Variants in EFEMP2 observed in about 807,000 individuals in gnomAD.
EFEMP2 encodes the protein EGF-like fibulin extracellular matrix protein 2.
A neutral mutation model predicts 55.3 loss-of-function variants in EFEMP2; 21 were observed. The observed-to-expected ratio is 0.38, with a 90% CI of 0.27 to 0.55. The LOEUF is 0.55. Among genes scored for constraint, EFEMP2 ranks in the 20% least tolerant of loss-of-function variants. The probability of loss-of-function intolerance (pLI) is 0.77; values close to 1 mark genes in which losing one functional copy is unlikely to be tolerated. For missense variants in EFEMP2, 513 were observed against 615.1 expected (o/e 0.83, Z 1.76); for synonymous variants, 275 against 242.3 (o/e 1.14, Z -1.25).
Position 65,868,647 on chromosome 11 carries a change from T to C in EFEMP2, c.728-18A>G. 1 of 1,613,560 alleles carries C rather than the reference T, an allele frequency of 6.2e-7. No individual in the cohort carries two copies. The highest frequency in any genetic ancestry group is 8.5e-7 in the Non-Finnish European group (1 of 1,179,996). ...ATCAATATCTGAGGAAGCATGGGGA[T>C]GGGGACCCCGGGTCAAGGGCATTCC... On this transcript the variant is annotated intron_variant, in intron 7 of 10. Transcript: ENST00000307998.
intron 3 of EFEMP2, chr11:65,871,641 G>A (rs1859966777): frequency 5.0e-6 from 3 of 596,810 alleles, no homozygotes; most frequent in Non-Finnish European, 6.0e-6. Flanking sequence ...AAGATGGGGG[G>A]CCTCCTTACC....
intron 6 of EFEMP2, 46 bp downstream of exon 6, chr11:65,870,075 C>G: frequency 6.2e-7 from 1 of 1,613,166 alleles, no homozygotes; most frequent in Non-Finnish European, 8.5e-7. Flanking sequence ...CCCCACCTCA[C>G]ACCTCCCTGC....
intron 4 of EFEMP2, 148 bp from the exon 5 acceptor site, chr11:65,870,806 A>G: frequency 8.9e-7 from 1 of 1,128,802 alleles, no homozygotes; most frequent in Non-Finnish European, 1.3e-6. Context: ...CCTAACCTCT[A>G]AAACCACATG....
chr11:65,872,423 GGA>G (rs1303290714), intron 1 of EFEMP2, 62 bp from the exon 2 acceptor site: 1 of 1,234,780 alleles, frequency 8.1e-7, no homozygotes, highest in Non-Finnish European at 1.2e-6. Context: ...CCCTGTACCG[GGA>G]GCCCGAGCCC....
In EFEMP2 at chr11:65,869,986, C is replaced by T; in HGVS notation, c.608-10G>A. On this transcript the variant is annotated splice_polypyrimidine_tract_variant and intron_variant, in intron 6 of 10. Transcript: ENST00000307998. ...TCACACTCGTTCACATCTGGGGGTG[C>T]CAGGAAAAACAGGAGGGATGAAAGC... is the stretch of plus-strand genomic sequence containing the variant. 1 of 1,613,592 alleles carries T rather than the reference C, an allele frequency of 6.2e-7. No homozygotes were observed. The highest frequency in any genetic ancestry group is 8.5e-7 in the Non-Finnish European group (1 of 1,179,848).
chr11:65,868,019 C>G lies in EFEMP2; in HGVS notation c.1012G>C (p.Glu338Gln). 6.2e-7 allele frequency: 1 copy of G among 1,613,968 alleles called. No homozygotes were observed. Among genetic ancestry groups the G allele is most frequent in the African/African-American group, 1.3e-5 (1 of 75,038 alleles). The change falls in exon 10 of 11, where the codon GAG (glutamate) becomes CAG (glutamine). Residue 338 changes from glutamate to glutamine, a missense_variant. Physicochemically the swap from Glu to Gln is conservative, Grantham distance 29. Coordinates refer to ENST00000307998, the MANE Select transcript of EFEMP2 (RefSeq NM_016938.5). ...LCPASNPLCR[E>Q]QPSSIVHRYM... ...CGGTGCACAATGGATGAAGGCTGCT[C>G]TCGACATAGAGGGTTGGAGGCCGGG... is the stretch of plus-strand genomic sequence containing the variant.
chr11:65,868,844 G>A (rs1859913440), intron 7 of EFEMP2: 2 of 598,176 alleles, frequency 3.3e-6, no homozygotes, highest in Admixed American at 5.7e-5. Flanking sequence ...CCCAGAACTG[G>A]AAGAAACACT....
rs762880509 is a variant in EFEMP2, at chr11:65,868,383, C to T, written c.886G>A (p.Glu296Lys). 40 of 1,613,782 alleles carry T rather than the reference C, an allele frequency of 2.5e-5. No individual in the cohort carries two copies. The South Asian group carries it at 2.5e-4, about 10-fold the overall frequency. The change falls in exon 9 of 11, where the codon GAG becomes AAG. Residue 296 changes from glutamate (E) to lysine (K), a missense_variant. By Grantham distance (56) the Glu-to-Lys change is moderately conservative. Coordinates refer to ENST00000307998, the MANE Select transcript of EFEMP2 (RefSeq NM_016938.5). Reference sequence around the variant, plus strand: ...TGGAAGTTGACACAGGTTTGGGCCTCGGAGCACTGGTGCGCACCAGACTCA... The same window carrying T: ...TGGAAGTTGACACAGGTTTGGGCCTTGGAGCACTGGTGCGCACCAGACTCA... ...ECESGAHQCS[E>K]AQTCVNFHGG...
intron 9 of EFEMP2, 110 bp from the exon 10 acceptor site, chr11:65,868,166 G>C: frequency 6.4e-7 from 1 of 1,559,738 alleles, no homozygotes; most frequent in East Asian, 2.3e-5. Flanking sequence ...CCCTGTGACT[G>C]GTTTTCATGA....
At chr11:65,870,966 G>A (rs1859954988) in intron 4 of EFEMP2, 191 bp downstream of exon 4, 2 of 767,280 alleles carry the variant, frequency 2.6e-6, no homozygotes, top group African/African-American at 3.4e-5. Context: ...CGAGGGGAGG[G>A]GCCCGGAGCT....
At position 65,871,202 on chromosome 11, in the gene EFEMP2, G is replaced by A; in HGVS notation, c.322C>T (p.Pro108Ser). 1 of 1,614,230 alleles carries A rather than the reference G, an allele frequency of 6.2e-7. No homozygotes were observed. The highest frequency in any genetic ancestry group is 8.5e-7 in the Non-Finnish European group (1 of 1,180,040). ...TCGGGCTCATAGCCTGGTGGGCAGGGGTTGGGGTGTTGAGCGGGAGGCACT... is the reference window on the plus strand; with the variant it reads ...TCGGGCTCATAGCCTGGTGGGCAGGAGTTGGGGTGTTGAGCGGGAGGCACT... Reference protein sequence around the residue: ...PPVPPAQHPNPCPPGYEPDDQ... With the variant: ...PPVPPAQHPNSCPPGYEPDDQ... The change falls in exon 4 of 11, where the codon CCC becomes TCC. Residue 108 changes from proline (P) to serine (S), a missense_variant. Transcript: ENST00000307998.
rs937096955 is a variant in EFEMP2, at chr11:65,870,297, G to A, written c.491-60C>T. On this transcript the variant is annotated intron_variant, in intron 5 of 10. Transcript: ENST00000307998. Reference sequence around the variant, plus strand: ...CAGAGGGCAGAGGGCAGGTGGGCTCGAGCCGGCTGGGACTCAAGGCTTCAC... The same window carrying A: ...CAGAGGGCAGAGGGCAGGTGGGCTCAAGCCGGCTGGGACTCAAGGCTTCAC... The A allele has an allele frequency of 3.7e-5, 57 of 1,547,612 alleles. No individual in the cohort carries two copies. In the Admixed American group the frequency reaches 4.7e-4, roughly 13 times the overall value.
At chr11:65,867,406 G>A (rs991315536) in intron 10 of EFEMP2, 1 of 472,318 alleles carries the variant, frequency 2.1e-6, no homozygotes, top group Non-Finnish European at 3.9e-6. Context: ...ACTCCCTTCA[G>A]AGCATTCAAT....
intron 3 of EFEMP2, 64 bp from the exon 4 acceptor site, chr11:65,871,427 A>T: frequency 6.6e-7 from 1 of 1,505,988 alleles, no homozygotes. Flanking sequence ...GAGCGGAGGC[A>T]GGAACCCAGC....
At chr11:65,869,799 G>C in intron 7 of EFEMP2, 58 bp downstream of exon 7, 1 of 1,609,814 alleles carries the variant, frequency 6.2e-7, no homozygotes, top group African/African-American at 1.3e-5. Context: ...CAGGAGGCAC[G>C]GCATAGCTAG....
At chr11:65,870,435 G>A in intron 5 of EFEMP2, 101 bp downstream of exon 5, 1 of 1,565,052 alleles carries the variant, frequency 6.4e-7, no homozygotes, top group Non-Finnish European at 8.7e-7. Context: ...AGGTGGCAGG[G>A]GCCGGGGGTG....
At position 65,872,767 on chromosome 11, in the gene EFEMP2, G is replaced by A; in HGVS notation, c.-92C>T. Reference sequence around the variant, plus strand: ...CCTGCGGGCAGACGGACGGGCGGACGGCACAGCTCCCTGGACGCGCGGCCC... The same window carrying A: ...CCTGCGGGCAGACGGACGGGCGGACAGCACAGCTCCCTGGACGCGCGGCCC... On this transcript the variant is annotated 5_prime_UTR_variant, in exon 1 of 11. Transcript: ENST00000307998. 7.0e-6 allele frequency: 2 copies of A among 287,264 alleles called. No homozygotes were observed. Among genetic ancestry groups the A allele is most frequent in the South Asian group, 2.8e-5 (1 of 35,582 alleles). The allele number at this position is 287,264 out of a possible 1,614,324, so 17.8% of individuals were successfully genotyped here.
Position 65,867,948 on chromosome 11 carries a change from G to C in EFEMP2, c.1083C>G (p.Phe361Leu). 1 of 1,614,102 alleles carries C rather than the reference G, an allele frequency of 6.2e-7. No individual in the cohort carries two copies. Among genetic ancestry groups the C allele is most frequent in the Non-Finnish European group, 8.5e-7 (1 of 1,180,032 alleles). ...TSERSVPADV[F>L]QIQATSVYPG... ...GGTAGACGGAGGTCGCCTGGATCTGGAACACGTCAGCGGGCACGCTCCGCT... is the reference window on the plus strand; with the variant it reads ...GGTAGACGGAGGTCGCCTGGATCTGCAACACGTCAGCGGGCACGCTCCGCT... The change falls in exon 10 of 11, where the codon TTC becomes TTG. Residue 361 changes from phenylalanine to leucine, a missense_variant. Transcript: ENST00000307998.
Position 65,868,580 on chromosome 11 carries a change from GAT to G in EFEMP2, c.775_776del (p.Ile259GlnfsTer26). ...GGCAGGAGAAACGGCCTGGCTCGTT[GAT>G]GCAGCGGTACTGACAGAGGTAGCTG... ...YSSYLCQYRC[I>X]NEPGRFSCHC... On this transcript the variant is annotated frameshift_variant, in exon 8 of 11. Coordinates refer to ENST00000307998, the MANE Select transcript of EFEMP2 (RefSeq NM_016938.5). LOFTEE classifies it high-confidence loss of function. 1.2e-6 allele frequency: 2 copies of G among 1,613,946 alleles called. No homozygotes were observed. The highest frequency in any genetic ancestry group is 1.7e-6 in the Non-Finnish European group (2 of 1,180,022).
Sources: allele counts gnomAD v4.1 joint callset, GRCh38; gene constraint gnomAD v4.1.1; transcripts MANE v1.5; gene names NCBI Gene and HGNC (gene_info 2026-07-23, HGNC 2026-07-21).